Variants in MAPK8 observed in about 807,000 individuals in gnomAD.
MAPK8 encodes mitogen-activated protein kinase 8.
Under a neutral mutation model 52.9 loss-of-function variants are expected in MAPK8, and 13 were observed. That is an observed-to-expected ratio of 0.25 (90% CI 0.16 to 0.39). The LOEUF (loss-of-function observed/expected upper bound fraction) is 0.39, where lower values mean the gene tolerates loss of function less well. Among genes scored for constraint, MAPK8 ranks in the 10% least tolerant of loss-of-function variants. The pLI is 1.00. For missense variants in MAPK8, 300 were observed against 519.2 expected, an observed-to-expected ratio of 0.58 and a Z score of 4.10; for synonymous variants, 191 against 169.8, an observed-to-expected ratio of 1.12 and a Z score of -0.97.
intron 1 of MAPK8, among the ~76,000 whole-genome samples, chr10:48,318,822 C>T (rs1842734223): frequency 6.6e-6 from 1 of 152,102 alleles, no homozygotes. Flanking sequence ...GCTAGACGAA[C>T]AAGAAAGGTT....
At chr10:48,377,361 A>T (rs924923148) in intron 1 of MAPK8, among the ~76,000 whole-genome samples, 2 of 7,200 alleles carry the variant, frequency 2.8e-4, no homozygotes, top group African/African-American at 7.2e-4. Context: ...AGTATAATTT[A>T]AAAAAAAAAT....
chr10:48,404,519 T>G (rs1454364413), intron 2 of MAPK8, among the ~76,000 whole-genome samples: 1 of 152,168 alleles, frequency 6.6e-6, no homozygotes, highest in Non-Finnish European at 1.5e-5. Context: ...TTATTTAGGC[T>G]TTAGGCTATC....
chr10:48,424,940 T>G (rs1375904065), intron 7 of MAPK8, among the ~76,000 whole-genome samples: 2 of 152,046 alleles, frequency 1.3e-5, no homozygotes, highest in African/African-American at 2.4e-5. Context: ...TGGCCATCCT[T>G]TTGTTTTGTC....
At position 48,311,505 on chromosome 10, in the gene MAPK8, A is replaced by G. The variant is rs149828320; in HGVS notation, c.-50+4684A>G. Among the ~76,000 whole-genome samples the G allele has an allele frequency of 2.5e-3, 385 of 152,340 alleles. 1 individual carries two copies. The highest frequency in any genetic ancestry group is 4.1e-3 in the Non-Finnish European group (276 of 68,022). On this transcript the variant is annotated intron_variant, in intron 1 of 11. Transcript: ENST00000374189. ...CTTTTCCCACAGGAGAAAATTGCCTAAGCTTTCCTAGGTTTGTTATAGACA... is the reference window on the plus strand; with the variant it reads ...CTTTTCCCACAGGAGAAAATTGCCTGAGCTTTCCTAGGTTTGTTATAGACA...
intron 1 of MAPK8, among the ~76,000 whole-genome samples, chr10:48,385,570 A>G (rs1362454888): frequency 6.6e-6 from 1 of 152,130 alleles, no homozygotes; most frequent in Non-Finnish European, 1.5e-5. Context: ...TTTTGTTTTT[A>G]GTTTCTGGTC....
intron 1 of MAPK8, among the ~76,000 whole-genome samples, chr10:48,316,568 C>T (rs1029349698): frequency 6.6e-6 from 1 of 152,058 alleles, no homozygotes; most frequent in African/African-American, 2.4e-5. Flanking sequence ...AAGTAGAGGT[C>T]AAGATATGAG....
At chr10:48,393,287 T>A (rs754658123) in intron 1 of MAPK8, among the ~76,000 whole-genome samples, 40 of 152,150 alleles carry the variant, frequency 2.6e-4, no homozygotes, top group Non-Finnish European at 4.6e-4. Context: ...TAAAGTTATC[T>A]CAGACTCAAC....
chr10:48,406,013 T>G (rs970071338), intron 3 of MAPK8, among the ~76,000 whole-genome samples: 2 of 152,208 alleles, frequency 1.3e-5, no homozygotes, highest in African/African-American at 2.4e-5. Context: ...AGTGGCCGTT[T>G]GTCAAATGAT....
In MAPK8 at chr10:48,388,012, C is replaced by T. The variant is rs187022925; in HGVS notation, c.-49-13600C>T. ...ACATATACACTCTTGAGCATTAATTCTTACACACATTTAAATTGGAGAGTG... is the reference window on the plus strand; with the variant it reads ...ACATATACACTCTTGAGCATTAATTTTTACACACATTTAAATTGGAGAGTG... On this transcript the variant is annotated intron_variant, in intron 1 of 11. Coordinates refer to ENST00000374189, the MANE Select transcript of MAPK8 (RefSeq NM_001323329.2). Among the ~76,000 whole-genome samples the T allele has an allele frequency of 3.3e-5, 5 of 152,230 alleles. No individual in the cohort carries two copies. In the East Asian group the frequency reaches 9.6e-4, roughly 29 times the overall value.
At chr10:48,428,308 T>G (rs2043843264) in intron 10 of MAPK8, among the ~76,000 whole-genome samples, 1 of 152,214 alleles carries the variant, frequency 6.6e-6, no homozygotes, top group African/African-American at 2.4e-5. Flanking sequence ...ATTTGTGTTA[T>G]TGTCCTTCAG....
chr10:48,396,033 C>A (rs1320120339), intron 1 of MAPK8, among the ~76,000 whole-genome samples: 15 of 151,926 alleles, frequency 9.9e-5, no homozygotes, highest in Non-Finnish European at 2.2e-4. Context: ...AAGAGAAGAT[C>A]TTTTTGATCT....
chr10:48,436,520 G>A lies in MAPK8; in HGVS notation c.*1491G>A, dbSNP rs2044864312. 1 of 152,186 alleles carries A rather than the reference G, an allele frequency of 6.6e-6. No individual in the cohort carries two copies. The highest frequency in any genetic ancestry group is 1.5e-5 in the Non-Finnish European group (1 of 68,026). The allele number at this position is 152,186 out of a possible 1,614,324, so 9.4% of individuals were successfully genotyped here. On this transcript the variant is annotated 3_prime_UTR_variant, in exon 12 of 12. Coordinates refer to ENST00000374189, the MANE Select transcript of MAPK8 (RefSeq NM_001323329.2). ...GATTTCATGTAATGAACTAGGAAAT[G>A]CATACTCACATAAGCAACAAGGTTC...
intron 1 of MAPK8, among the ~76,000 whole-genome samples, chr10:48,384,588 T>C (rs1487595937): frequency 6.6e-6 from 1 of 152,196 alleles, no homozygotes; most frequent in Non-Finnish European, 1.5e-5. Flanking sequence ...TGGATAGCTC[T>C]GATAAAGAAG....
At chr10:48,340,881 C>A (rs193035441) in intron 1 of MAPK8, among the ~76,000 whole-genome samples, 1 of 152,370 alleles carries the variant, frequency 6.6e-6, no homozygotes, top group Non-Finnish European at 1.5e-5. Context: ...TGATCTGTCT[C>A]CTCAACTTGG....
At chr10:48,417,864 G>A (rs576141325) in intron 5 of MAPK8, among the ~76,000 whole-genome samples, 1 of 152,118 alleles carries the variant, frequency 6.6e-6, no homozygotes, top group Non-Finnish European at 1.5e-5. Flanking sequence ...TTAAAAGGTG[G>A]CTACTTCTTT....
At chr10:48,313,747 G>T (rs575601292) in intron 1 of MAPK8, among the ~76,000 whole-genome samples, 12 of 151,996 alleles carry the variant, frequency 7.9e-5, no homozygotes, top group African/African-American at 2.7e-4. Flanking sequence ...TTGCTTTTTT[G>T]TTTTTTGCTT....
intron 1 of MAPK8, among the ~76,000 whole-genome samples, chr10:48,349,256 G>T (rs1846077901): frequency 6.6e-6 from 1 of 152,140 alleles, no homozygotes; most frequent in African/African-American, 2.4e-5. Context: ...GTTGAACTCA[G>T]CTCTGGACCA....
intron 1 of MAPK8, among the ~76,000 whole-genome samples, chr10:48,373,152 G>A (rs762961307): frequency 6.6e-6 from 1 of 151,946 alleles, no homozygotes; most frequent in Non-Finnish European, 1.5e-5. Flanking sequence ...AATAAACTAA[G>A]GATAAATAAA....
intron 10 of MAPK8, among the ~76,000 whole-genome samples, chr10:48,428,895 A>G (rs1260451694): frequency 6.6e-6 from 1 of 151,200 alleles, no homozygotes; most frequent in Non-Finnish European, 1.5e-5. Flanking sequence ...ATCATGGCTC[A>G]CTGCAGCATC....
Sources: gnomAD v4.1 joint callset for allele counts (sites outside exome capture counted in the v4.1 genomes callset) on GRCh38, gnomAD v4.1.1 for gene constraint, MANE v1.5 for transcripts, NCBI Gene and HGNC (gene_info 2026-07-23, HGNC 2026-07-21) for gene names.